The following NRCAM variants were observed in gnomAD, a reference collection of about 807,000 sequenced individuals.
NRCAM encodes the protein NgCAM-related cell adhesion molecule.
NRCAM carries 83 observed loss-of-function variants against 156.5 expected under a neutral mutation model. The observed-to-expected ratio is 0.53, with a 90% CI of 0.44 to 0.64. NRCAM has a LOEUF of 0.64. Ranked by LOEUF, NRCAM falls within the 30% of genes least tolerant of loss-of-function variation. The probability of loss-of-function intolerance (pLI) is 0.00; values close to 1 mark genes in which losing one functional copy is unlikely to be tolerated. For missense variants in NRCAM, 1,417 were observed against 1,597.3 expected (o/e 0.89, Z 1.92); for synonymous variants, 538 against 563.9 (o/e 0.95, Z 0.65).
intron 28 of NRCAM, 55 bp downstream of exon 28, chr7:108,175,267 G>A: frequency 6.9e-7 from 1 of 1,451,266 alleles, no homozygotes; most frequent in African/African-American, 1.4e-5. Flanking sequence ...ACTTCCCCAT[G>A]TTTCACATTG....
chr7:108,424,206 T>G (rs1174732194), intron 1 of NRCAM, among the ~76,000 whole-genome samples: 2 of 152,214 alleles, frequency 1.3e-5, no homozygotes, highest in Non-Finnish European at 2.9e-5. Flanking sequence ...CTTATCAGGT[T>G]TCCTACCAGG....
intron 32 of NRCAM, among the ~76,000 whole-genome samples, chr7:108,154,662 C>T (rs1268648238): frequency 6.6e-6 from 1 of 152,040 alleles, no homozygotes; most frequent in Non-Finnish European, 1.5e-5. Context: ...CTTTTGAAGA[C>T]CAGTCTTTAA....
chr7:108,369,038 G>A (rs982300568), intron 2 of NRCAM, among the ~76,000 whole-genome samples: 1 of 152,078 alleles, frequency 6.6e-6, no homozygotes, highest in South Asian at 2.1e-4. Flanking sequence ...AATACTTAAT[G>A]TATTCTATAT....
At chr7:108,261,088 A>G (rs1167946017) in intron 3 of NRCAM, among the ~76,000 whole-genome samples, 1 of 152,166 alleles carries the variant, frequency 6.6e-6, no homozygotes, top group Non-Finnish European at 1.5e-5. Context: ...AAGGGGCTGA[A>G]AACAAACTTA....
intron 2 of NRCAM, among the ~76,000 whole-genome samples, chr7:108,393,999 G>A (rs1345424148): frequency 6.6e-6 from 1 of 152,182 alleles, no homozygotes; most frequent in African/African-American, 2.4e-5. Flanking sequence ...CAGGACAAGG[G>A]AGTCAGAGAA....
chr7:108,280,938 T>C (rs1023152112), intron 3 of NRCAM, among the ~76,000 whole-genome samples: 1 of 152,216 alleles, frequency 6.6e-6, no homozygotes, highest in African/African-American at 2.4e-5. Flanking sequence ...AGGTATTCAA[T>C]ATTTAAAAAT....
chr7:108,197,993 A>G lies in NRCAM; in HGVS notation c.1314T>C (p.Tyr438=). The change falls in exon 14 of 33, where the codon TAT becomes TAC. Residue 438 remains tyrosine, a synonymous_variant. Transcript: ENST00000379028. ...CAAATGCGTTTGCCAGTAAATATCC[A>G]TATTCATTAGAGGCATTGCACTGAT... ...AVYQCNASNE[Y]GYLLANAFVN... is the part of the protein sequence containing the mutation. The G allele has an allele frequency of 1.3e-6, 2 of 1,588,136 alleles. No individual in the cohort carries two copies. Among genetic ancestry groups the G allele is most frequent in the Non-Finnish European group, 1.7e-6 (2 of 1,168,898 alleles).
At chr7:108,331,684 C>A (rs2099128622) in intron 2 of NRCAM, among the ~76,000 whole-genome samples, 1 of 152,052 alleles carries the variant, frequency 6.6e-6, no homozygotes, top group African/African-American at 2.4e-5. Context: ...AAACAGACAC[C>A]ATCTATGAAT....
intron 3 of NRCAM, among the ~76,000 whole-genome samples, chr7:108,261,730 C>T (rs1028909828): frequency 6.6e-6 from 1 of 152,198 alleles, no homozygotes; most frequent in Non-Finnish European, 1.5e-5. Context: ...GGCACAGGTG[C>T]TCTAGGACAG....
At chr7:108,192,164 G>C (rs2072233151) in intron 17 of NRCAM, among the ~76,000 whole-genome samples, 1 of 152,170 alleles carries the variant, frequency 6.6e-6, no homozygotes, top group Admixed American at 6.5e-5. Flanking sequence ...GCTGCAGAGG[G>C]GACCGCTGCT....
chr7:108,231,583 A>G (rs1234011389), intron 7 of NRCAM, among the ~76,000 whole-genome samples: 1 of 152,218 alleles, frequency 6.6e-6, no homozygotes, highest in African/African-American at 2.4e-5. Flanking sequence ...TATACACGAT[A>G]TGTCAATAAG....
At chr7:108,367,355 A>G (rs1311120483) in intron 2 of NRCAM, among the ~76,000 whole-genome samples, 1 of 152,202 alleles carries the variant, frequency 6.6e-6, no homozygotes. Context: ...ATATCTGATT[A>G]AAGCTTGAAG....
At chr7:108,441,503 G>T (rs1838465670) in intron 1 of NRCAM, among the ~76,000 whole-genome samples, 1 of 152,160 alleles carries the variant, frequency 6.6e-6, no homozygotes, top group South Asian at 2.1e-4. Context: ...ATTCCCCTTA[G>T]AAGTTTGGGT....
Position 108,148,856 on chromosome 7 carries a change from G to A in NRCAM, c.*1054C>T, listed in dbSNP as rs1399900228. On this transcript the variant is annotated 3_prime_UTR_variant, in exon 33 of 33. Coordinates refer to ENST00000379028, the MANE Select transcript of NRCAM (RefSeq NM_001037132.4). The stretch of plus-strand genomic sequence containing the variant: ...ACAAAATCATCATGTGCTTCAGTTG[G>A]CAACAAAGATTTTCTTTTTATGCTT... The A allele has an allele frequency of 6.6e-6, 1 of 152,390 alleles. No individual in the cohort carries two copies. Among genetic ancestry groups the A allele is most frequent in the African/African-American group, 2.4e-5 (1 of 41,422 alleles). The allele number at this position is 152,390 out of a possible 1,614,324, so 9.4% of individuals were successfully genotyped here. A position where few individuals can be genotyped will look rare whatever the true frequency, so the allele number is the denominator to read the frequency against.
rs188951479 is a variant in NRCAM at position 108,214,302 on chromosome 7, A to G, written c.891-4697T>C. Among the ~76,000 whole-genome samples the G allele has an allele frequency of 1.8e-4, 27 of 152,212 alleles. No homozygotes were observed. In the East Asian group the frequency reaches 3.3e-3, roughly 18 times the overall value. ...TCTTATTGGTCTATTCAGGGATTTG[A>G]CTTCTTCCTAGTTTAGTCTTGGGAG... is the stretch of plus-strand genomic sequence containing the variant. On this transcript the variant is annotated intron_variant, in intron 11 of 32. Transcript: ENST00000379028.
In NRCAM at chr7:108,264,311, TTTTCA is replaced by T. The variant is rs1176927730; in HGVS notation, c.-106-24146_-106-24142del. ...TTTCTACTTCCTGTGTAAAGCCCTC[TTTTCA>T]TTTATCTAGGAAGACATATTTAATG... On this transcript the variant is annotated intron_variant, in intron 3 of 32. Coordinates refer to ENST00000379028, the MANE Select transcript of NRCAM (RefSeq NM_001037132.4). 5.3e-5 allele frequency among the ~76,000 whole-genome samples: 8 copies of T among 152,230 alleles called. No individual in the cohort carries two copies. The East Asian group carries it at 1.5e-3, about 29-fold the overall frequency.
At chr7:108,225,844 T>C in intron 9 of NRCAM, 143 bp from the exon 10 acceptor site, 1 of 693,270 alleles carries the variant, frequency 1.4e-6, no homozygotes, top group South Asian at 1.6e-5. Context: ...ACATTGTACA[T>C]GACTAACTCA....
intron 2 of NRCAM, among the ~76,000 whole-genome samples, chr7:108,335,482 T>C (rs2099174320): frequency 8.0e-6 from 1 of 125,182 alleles, no homozygotes; most frequent in South Asian, 3.0e-4. Context: ...CAAAGACAAG[T>C]GGCTGGCTGG....
At chr7:108,231,251 A>G in intron 7 of NRCAM, 98 bp from the exon 8 acceptor site, 1 of 796,442 alleles carries the variant, frequency 1.3e-6, no homozygotes, top group Non-Finnish European at 1.9e-6. Flanking sequence ...TGGAGAAATA[A>G]TTTGTAATTT....
Sources: allele counts gnomAD v4.1 joint callset (sites outside exome capture counted in the v4.1 genomes callset), GRCh38; gene constraint gnomAD v4.1.1; transcripts MANE v1.5; gene names NCBI Gene and HGNC (gene_info 2026-07-23, HGNC 2026-07-21).